Variants in MYOM3 observed in about 807,000 individuals in gnomAD.
The protein encoded by MYOM3 is myomesin-3.
MYOM3 carries 155 observed loss-of-function variants against 191.7 expected under a neutral mutation model. The ratio of observed to expected loss-of-function variants is 0.81; its 90% CI spans 0.71 to 0.92. The LOEUF is 0.92. MYOM3 is among the 40% of genes least tolerant of loss of function. The pLI, the probability that MYOM3 is intolerant of heterozygous loss-of-function variation, is 0.00. For missense variants in MYOM3, 1,889 were observed against 1,890.6 expected, an observed-to-expected ratio of 1.00 and a Z score of 0.02; for synonymous variants, 757 against 762.9, an observed-to-expected ratio of 0.99 and a Z score of 0.13.
At position 24,075,467 on chromosome 1, in the gene MYOM3, C is replaced by CA. The variant is rs1420472948; in HGVS notation, c.2709dup (p.Glu904Ter). 3 of 1,572,204 alleles carry CA rather than the reference C, an allele frequency of 1.9e-6. No homozygotes were observed. The highest frequency in any genetic ancestry group is 1.9e-5 in the Admixed American group (1 of 52,000). On this transcript the variant is annotated frameshift_variant, in exon 22 of 37. Transcript: ENST00000374434. LOFTEE classifies it high-confidence loss of function. ...TCTTCATCCACACCAACCTCGATCTCATGGGCACCTGAGGGCGAGATCCAA... is the reference window on the plus strand; with the variant it reads ...TCTTCATCCACACCAACCTCGATCTCAATGGGCACCTGAGGGCGAGATCCAA...
intron 14 of MYOM3, 31 bp downstream of exon 14, chr1:24,089,507 G>A (rs1207455710): frequency 6.3e-7 from 1 of 1,577,050 alleles, no homozygotes; most frequent in South Asian, 1.2e-5. Context: ...TTCTCAGGCT[G>A]GCCTGGGGCT....
chr1:24,066,004 G>A lies in MYOM3; in HGVS notation c.3424-3C>T, dbSNP rs769528476. The A allele has an allele frequency of 6.3e-7, 1 of 1,581,626 alleles. No individual in the cohort carries two copies. The highest frequency in any genetic ancestry group is 8.7e-7 in the Non-Finnish European group (1 of 1,150,190). On this transcript the variant is annotated splice_polypyrimidine_tract_variant and splice_region_variant and intron_variant, in intron 28 of 36. Transcript: ENST00000374434. The stretch of plus-strand genomic sequence containing the variant: ...GTCTCCTTCTTGGTGTTGGTCACCT[G>A]GGGAAGGTGGGGAATGAGGAGACTC...
rs1643583993 is a variant in MYOM3 at position 24,075,398 on chromosome 1, A to C, written c.2779T>G (p.Ser927Ala). 1 of 1,612,336 alleles carries C rather than the reference A, an allele frequency of 6.2e-7. No individual in the cohort carries two copies. The highest frequency in any genetic ancestry group is 1.3e-5 in the African/African-American group (1 of 74,772). The change falls in exon 22 of 37, where the codon TCC (serine) becomes GCC (alanine). Residue 927 changes from serine (S) to alanine (A), a missense_variant. Ser to Ala is a moderately conservative substitution (Grantham distance 99). Transcript: ENST00000374434. ...LAFEAPEAPDSSEFQWSKDYK... is the reference protein window; with the variant it reads ...LAFEAPEAPDASEFQWSKDYK... ...TCTTTGGACCACTGAAACTCTGAGG[A>C]GTCGGGGGCTTCAGGGGCTTCAAAA...
chr1:24,105,896 C>A, intron 5 of MYOM3, 24 bp downstream of exon 5: 1 of 1,582,748 alleles, frequency 6.3e-7, no homozygotes. Flanking sequence ...AGGCCCAGAA[C>A]CCCTTCCTGC....
intron 25 of MYOM3, among the ~76,000 whole-genome samples, chr1:24,069,223 G>A (rs1364795079): frequency 6.6e-6 from 1 of 152,160 alleles, no homozygotes; most frequent in African/African-American, 2.4e-5. Flanking sequence ...TGATTTGGGG[G>A]AGTAATCTAA....
Position 24,082,647 on chromosome 1 carries a change from C to T in MYOM3, c.2038G>A (p.Gly680Arg), listed in dbSNP as rs1262343610. The change falls in exon 17 of 37, where the codon GGG becomes AGG. Residue 680 changes from glycine (G) to arginine (R), a missense_variant. Physicochemically the swap from Gly to Arg is moderately radical, Grantham distance 125. Coordinates refer to ENST00000374434, the MANE Select transcript of MYOM3 (RefSeq NM_152372.4). ...EFCVRSVSEA[G>R]VGESSAATEP... ...GTGGCGGCTGAGCTCTCGCCTACCC[C>T]AGCCTCGCTGACTGACCTGACACAA... 1 of 1,612,854 alleles carries T rather than the reference C, an allele frequency of 6.2e-7. No individual in the cohort carries two copies. Among genetic ancestry groups the T allele is most frequent in the Admixed American group, 1.7e-5 (1 of 59,850 alleles).
chr1:24,095,253 C>G (rs1643872604), intron 8 of MYOM3, among the ~76,000 whole-genome samples, 189 bp downstream of exon 8: 1 of 152,168 alleles, frequency 6.6e-6, no homozygotes, highest in Non-Finnish European at 1.5e-5. Context: ...AGCTCAGCAG[C>G]TGGGGACAGC....
chr1:24,106,428 G>A (rs1191379244), intron 4 of MYOM3, among the ~76,000 whole-genome samples: 1 of 152,184 alleles, frequency 6.6e-6, no homozygotes, highest in Non-Finnish European at 1.5e-5. Flanking sequence ...AGGGAGTGTG[G>A]AGAGTGGCTC....
At chr1:24,104,293 C>A (rs1274221794) in intron 5 of MYOM3, among the ~76,000 whole-genome samples, 1 of 152,212 alleles carries the variant, frequency 6.6e-6, no homozygotes, top group Admixed American at 6.5e-5. Context: ...CTGTCAAGAT[C>A]TGGCTCATAG....
rs202157618 is a variant in MYOM3 at position 24,057,541 on chromosome 1, G to C, written c.4137C>G (p.Asp1379Glu). 1.9e-6 allele frequency: 3 copies of C among 1,614,140 alleles called. No homozygotes were observed. The highest frequency in any genetic ancestry group is 2.2e-5 in the South Asian group (2 of 91,078). Residue 1379 changes from aspartate (D) to glutamate (E), a missense_variant, in exon 37 of 37, where the codon GAC becomes GAG. Coordinates refer to ENST00000374434, the MANE Select transcript of MYOM3 (RefSeq NM_152372.4). ...LKNDQPVTFL[D>E]RYRMEVRGTE... ...TCCCCCTCACTTCCATGCGGTATCG[G>C]TCAAGGAAGGTGACAGGCTGGTCAT...
rs1028044822 is a variant in MYOM3 at position 24,095,465 on chromosome 1, C to G, written c.767G>C (p.Gly256Ala). Residue 256 changes from glycine (G) to alanine (A), a missense_variant, in exon 8 of 37, where the codon GGC (glycine) becomes GCC (alanine). Coordinates refer to ENST00000374434, the MANE Select transcript of MYOM3 (RefSeq NM_152372.4). ...ACTTTTGAAGATCTCTGAATCGAAG[C>G]CAGCATCCTTCCCCAGGTAAGCTGA... ...LVRTYLGKDAGFDSEIFKRST... is the reference protein window; with the variant it reads ...LVRTYLGKDAAFDSEIFKRST... 1 of 1,612,888 alleles carries G rather than the reference C, an allele frequency of 6.2e-7. No individual in the cohort carries two copies. The highest frequency in any genetic ancestry group is 8.5e-7 in the Non-Finnish European group (1 of 1,179,332).
rs764083827 is a variant in MYOM3, at chr1:24,084,631, G to A, written c.1807C>T (p.Pro603Ser). The change falls in exon 16 of 37, where the codon CCT becomes TCT. Residue 603 changes from proline (P) to serine (S), a missense_variant. By Grantham distance (74) the Pro-to-Ser change is moderately conservative. Coordinates refer to ENST00000374434, the MANE Select transcript of MYOM3 (RefSeq NM_152372.4). ...IALRGPPATLPPPAQVQAFRD... is the reference protein window; with the variant it reads ...IALRGPPATLSPPAQVQAFRD... Reference sequence around the variant, plus strand: ...AAAGCTTGAACTTGAGCTGGAGGAGGGAGGGTAGCTAAAAAATAGAAACAT... The same window carrying A: ...AAAGCTTGAACTTGAGCTGGAGGAGAGAGGGTAGCTAAAAAATAGAAACAT... 26 of 1,610,510 alleles carry A rather than the reference G, an allele frequency of 1.6e-5. No individual in the cohort carries two copies. Among genetic ancestry groups the A allele is most frequent in the Non-Finnish European group, 2.1e-5 (25 of 1,178,416 alleles).
In MYOM3 at chr1:24,108,603, C is replaced by T; in HGVS notation, c.34G>A (p.Asp12Asn). ...TLPHSLGGAG[D>N]PRPPQAMEVH... ...TCCATGGCCTGGGGGGGCCGGGGGT[C>T]CCCCGCACCTCCCAAGCTGTGCGGC... Residue 12 changes from aspartate (D) to asparagine (N), a missense_variant, in exon 2 of 37, where the codon GAC (aspartate) becomes AAC (asparagine). Physicochemically the swap from Asp to Asn is conservative, Grantham distance 23. Transcript: ENST00000374434. 6.4e-7 allele frequency: 1 copy of T among 1,567,838 alleles called. No individual in the cohort carries two copies. The highest frequency in any genetic ancestry group is 1.7e-4 in the Middle Eastern group (1 of 5,962).
At chr1:24,091,056 A>G in intron 11 of MYOM3, 60 bp from the exon 12 acceptor site, 1 of 1,564,496 alleles carries the variant, frequency 6.4e-7, no homozygotes, top group Non-Finnish European at 8.7e-7. Flanking sequence ...TCCCAATGTG[A>G]GCCTCTACAA....
rs1430768648 is a variant in MYOM3, at chr1:24,094,912, A to C, written c.869T>G (p.Leu290Arg). The change falls in exon 9 of 37, where the codon CTG becomes CGG. Residue 290 changes from leucine to arginine, a missense_variant. Coordinates refer to ENST00000374434, the MANE Select transcript of MYOM3 (RefSeq NM_152372.4). ...VFAREKEPFS[L>R]SCLFSEDVLD... is the part of the protein sequence containing the mutation. ...CACATCTTCCGAAAACAAGCATGAC[A>C]GGGAGAAGGGTTCCTTCTCACGAGC... 1.2e-6 allele frequency: 2 copies of C among 1,614,092 alleles called. No individual in the cohort carries two copies.
In MYOM3 at chr1:24,063,287, G is replaced by C. The variant is rs1643394458; in HGVS notation, c.3662-53C>G. On this transcript the variant is annotated intron_variant, in intron 31 of 36. Coordinates refer to ENST00000374434, the MANE Select transcript of MYOM3 (RefSeq NM_152372.4). This position sits in a 1 kb window ranked among gnomAD's most constrained non-coding sequence, Gnocchi z 4.5. ...CTTCCCTGAGGCCATTTAGGCATCA[G>C]ATTTTGGGGCCGGCTTGTCTGCCTC... 2.6e-6 allele frequency: 4 copies of C among 1,527,058 alleles called. No individual in the cohort carries two copies. The highest frequency in any genetic ancestry group is 1.8e-4 in the Middle Eastern group (1 of 5,674). The allele number at this position is 1,527,058 out of a possible 1,614,324, so 94.6% of individuals were successfully genotyped here. A position where few individuals can be genotyped will look rare whatever the true frequency, so the allele number is the denominator to read the frequency against.
chr1:24,064,079 C>T lies in MYOM3; in HGVS notation c.3615G>A (p.Thr1205=), dbSNP rs375746798. The change falls in exon 30 of 37, where the codon ACG becomes ACA. Residue 1205 remains threonine (T), a synonymous_variant. Transcript: ENST00000374434. ...RGEDDTILDL[T]GDALDAIFTE... is the part of the protein sequence containing the mutation. ...CCCATCGCCAGCTCCTACCGTCACC[C>T]GTGAGGTCCAATATGGTGTCGTCCT... 50 of 1,613,656 alleles carry T rather than the reference C, an allele frequency of 3.1e-5. No individual in the cohort carries two copies. In the Middle Eastern group the frequency reaches 6.6e-4, roughly 21 times the overall value.
intron 14 of MYOM3, among the ~76,000 whole-genome samples, chr1:24,089,288 G>A (rs1165003570): frequency 5.3e-5 from 8 of 152,224 alleles, no homozygotes; most frequent in African/African-American, 1.9e-4. Flanking sequence ...TGTTGTCTGT[G>A]TCTTGTATTT....
intron 14 of MYOM3, among the ~76,000 whole-genome samples, chr1:24,088,345 C>T (rs1643772866): frequency 6.6e-6 from 1 of 152,182 alleles, no homozygotes; most frequent in East Asian, 1.9e-4. Context: ...GTGTGCCAGG[C>T]TCCATTCTAA....
Sources: gnomAD v4.1 joint callset for allele counts (sites outside exome capture counted in the v4.1 genomes callset) on GRCh38, gnomAD v4.1.1 for gene constraint, Gnocchi (gnomAD v3.1) non-coding constraint, MANE v1.5 for transcripts, NCBI Gene and HGNC (gene_info 2026-07-23, HGNC 2026-07-21) for gene names.